IQGAP2: variants seen among roughly 807,000 people sequenced by gnomAD.
The protein encoded by IQGAP2 is IQ motif containing GTPase activating protein 2.
IQGAP2 carries 173 observed loss-of-function variants against 201.3 expected under a neutral mutation model. The ratio of observed to expected loss-of-function variants is 0.86; its 90% CI spans 0.76 to 0.98. The LOEUF (loss-of-function observed/expected upper bound fraction) is 0.98. IQGAP2 is among the 50% of genes least tolerant of loss of function. IQGAP2 has a pLI of 0.00. For synonymous variants in IQGAP2, 675 were observed against 673.9 expected (o/e 1.00, Z -0.03); for missense variants, 1,687 against 1,864.8 (o/e 0.90, Z 1.76).
At chr5:76,477,161 C>T (rs532111944) in intron 2 of IQGAP2, among the ~76,000 whole-genome samples, 2 of 151,936 alleles carry the variant, frequency 1.3e-5, no homozygotes, top group African/African-American at 4.8e-5. Flanking sequence ...ATGGTGAAAC[C>T]CTGTCTCTGC....
At chr5:76,532,825 C>T (rs968804271) in intron 2 of IQGAP2, among the ~76,000 whole-genome samples, 2 of 152,224 alleles carry the variant, frequency 1.3e-5, no homozygotes, top group Admixed American at 1.3e-4. Context: ...TGGCCCAGAC[C>T]CACTGCAGCA....
chr5:76,470,047 A>G (rs1189447812), intron 2 of IQGAP2, among the ~76,000 whole-genome samples: 2 of 152,116 alleles, frequency 1.3e-5, no homozygotes, highest in Non-Finnish European at 2.9e-5. Context: ...CACGTGGGGC[A>G]CACCCACTTC....
intron 5 of IQGAP2, among the ~76,000 whole-genome samples, chr5:76,579,990 T>C (rs1308575188): frequency 6.6e-6 from 1 of 152,114 alleles, no homozygotes; most frequent in East Asian, 1.9e-4. Flanking sequence ...TATAAACAAA[T>C]ATAGGCCAGG....
At chr5:76,567,459 A>G (rs1288448886) in intron 3 of IQGAP2, among the ~76,000 whole-genome samples, 6 of 152,236 alleles carry the variant, frequency 3.9e-5, no homozygotes, top group African/African-American at 1.2e-4. Context: ...TAACAACAGT[A>G]TCTGCCTTTG....
intron 2 of IQGAP2, among the ~76,000 whole-genome samples, chr5:76,557,969 G>A (rs538110850): frequency 1.3e-5 from 2 of 152,076 alleles, no homozygotes; most frequent in Admixed American, 1.3e-4. Flanking sequence ...ACGATGCCTG[G>A]CTAATTTTTG....
At chr5:76,624,886 C>T (rs563388961) in intron 13 of IQGAP2, among the ~76,000 whole-genome samples, 4 of 152,062 alleles carry the variant, frequency 2.6e-5, no homozygotes, top group South Asian at 2.1e-4. Flanking sequence ...CCAGCCTGAC[C>T]AACATGGTGA....
intron 2 of IQGAP2, among the ~76,000 whole-genome samples, chr5:76,552,186 C>T (rs1207220759): frequency 3.9e-5 from 6 of 152,228 alleles, no homozygotes; most frequent in African/African-American, 1.4e-4. Context: ...CAGAAGCCTG[C>T]TGCTGTTGTG....
At chr5:76,671,331 A>G (rs1160434773) in intron 23 of IQGAP2, among the ~76,000 whole-genome samples, 1 of 152,218 alleles carries the variant, frequency 6.6e-6, no homozygotes, top group Non-Finnish European at 1.5e-5. Flanking sequence ...TTAGATTTTC[A>G]TAGAGAAAAG....
intron 22 of IQGAP2, among the ~76,000 whole-genome samples, chr5:76,667,259 A>G (rs189323751): frequency 2.8e-4 from 42 of 152,344 alleles, no homozygotes; most frequent in Admixed American, 2.4e-3. Flanking sequence ...ATCAAGAAAA[A>G]GTACTGAGCT....
chr5:76,491,471 A>C (rs1164200856), intron 2 of IQGAP2, among the ~76,000 whole-genome samples: 1 of 151,772 alleles, frequency 6.6e-6, no homozygotes, highest in Non-Finnish European at 1.5e-5. Flanking sequence ...TTTTATTATT[A>C]TTTTTTATTT....
At chr5:76,523,020 G>A (rs1758779388) in intron 2 of IQGAP2, among the ~76,000 whole-genome samples, 1 of 150,534 alleles carries the variant, frequency 6.6e-6, no homozygotes, top group African/African-American at 2.4e-5. Flanking sequence ...CTCAGAAGGA[G>A]AGGAAATGCA....
chr5:76,567,763 G>T (rs1300389502), intron 3 of IQGAP2, among the ~76,000 whole-genome samples: 1 of 152,096 alleles, frequency 6.6e-6, no homozygotes, highest in Non-Finnish European at 1.5e-5. Context: ...ACTACCTCCT[G>T]GTTTTAAAAT....
At chr5:76,662,687 T>C (rs1463841200) in intron 21 of IQGAP2, among the ~76,000 whole-genome samples, 1 of 152,190 alleles carries the variant, frequency 6.6e-6, no homozygotes, top group African/African-American at 2.4e-5. Context: ...TCTAGTGATG[T>C]CTTAGGACTT....
chr5:76,617,671 G>C (rs1364222103), intron 13 of IQGAP2: 1 of 1,613,902 alleles, frequency 6.2e-7, no homozygotes, highest in East Asian at 2.2e-5. Context: ...AGACTACCCA[G>C]GCACAAAGCT....
rs1340059803 is a variant in IQGAP2, at chr5:76,698,256, G to A, written c.4367+109G>A. 5.5e-6 allele frequency: 4 copies of A among 724,200 alleles called. No homozygotes were observed. The East Asian group carries it at 1.2e-4, about 21-fold the overall frequency. The allele number at this position is 724,200 out of a possible 1,614,324, so 44.9% of individuals were successfully genotyped here. On this transcript the variant is annotated intron_variant, in intron 33 of 35. Transcript: ENST00000274364. ...GGTATGGAAGAAAACTTTTTGCTCT[G>A]TCTTCTAACCGAAAACTAGAGTCTC...
chr5:76,484,765 T>G (rs4704318), intron 2 of IQGAP2, among the ~76,000 whole-genome samples: 6 of 151,766 alleles, frequency 4.0e-5, no homozygotes, highest in Non-Finnish European at 7.4e-5. Flanking sequence ...GTCCTCCCAC[T>G]TCAGCCTCCA....
intron 2 of IQGAP2, among the ~76,000 whole-genome samples, chr5:76,541,537 G>C (rs1302298105): frequency 6.6e-6 from 1 of 152,016 alleles, no homozygotes; most frequent in Non-Finnish European, 1.5e-5. Context: ...AATTCTTTGG[G>C]GATATTATAA....
chr5:76,503,174 CT>C (rs11297908), intron 2 of IQGAP2, among the ~76,000 whole-genome samples: 44,316 of 108,398 alleles, frequency 0.41, 5,680 homozygotes, highest in East Asian at 0.52. Context: ...CTTTTCTTTT[CT>C]TTTTTTTTTT....
At chr5:76,689,149 T>G (rs1428672218) in intron 30 of IQGAP2, among the ~76,000 whole-genome samples, 2 of 150,296 alleles carry the variant, frequency 1.3e-5, no homozygotes, top group African/African-American at 4.9e-5. Context: ...TATTTCTTTT[T>G]CCCTTGTGTA....
Sources: allele counts gnomAD v4.1 joint callset (sites outside exome capture counted in the v4.1 genomes callset), GRCh38; gene constraint gnomAD v4.1.1; transcripts MANE v1.5; gene names NCBI Gene and HGNC (gene_info 2026-07-23, HGNC 2026-07-21).